The following JAKMIP3 variants were observed in gnomAD, a reference collection of about 807,000 sequenced individuals.
JAKMIP3 encodes the protein Janus kinase and microtubule interacting protein 3.
JAKMIP3 carries 58 observed loss-of-function variants against 118.5 expected under a neutral mutation model. The ratio of observed to expected loss-of-function variants is 0.49; its 90% CI spans 0.40 to 0.61. The LOEUF (loss-of-function observed/expected upper bound fraction) is 0.61. Ranked by LOEUF, JAKMIP3 falls within the 20% of genes least tolerant of loss-of-function variation. JAKMIP3 has a pLI of 0.00. For synonymous variants in JAKMIP3, 486 were observed against 451.2 expected, an observed-to-expected ratio of 1.08 and a Z score of -0.98; for missense variants, 950 against 1,109.0, an observed-to-expected ratio of 0.86 and a Z score of 2.04.
In JAKMIP3 at chr10:132,182,385, C is replaced by T. The variant is rs937863985; in HGVS notation, c.*1132C>T. The stretch of plus-strand genomic sequence containing the variant: ...GGAAGCAGTGCATTGGTGAAGGCAA[C>T]GTTAGGTGTGATTTCCATTCCTGCT... On this transcript the variant is annotated 3_prime_UTR_variant, in exon 24 of 24. Coordinates refer to ENST00000684848, the MANE Select transcript of JAKMIP3 (RefSeq NM_001323087.2). The T allele has an allele frequency of 2.6e-5, 4 of 152,152 alleles. No homozygotes were observed. The highest frequency in any genetic ancestry group is 6.6e-5 in the Admixed American group (1 of 15,266). 9.4% of individuals were successfully genotyped at this position (152,152 alleles called of 1,614,324 possible).
intron 9 of JAKMIP3, among the ~76,000 whole-genome samples, chr10:132,139,498 GTGTGTA>G (rs1292745405): frequency 3.8e-5 from 5 of 131,798 alleles, no homozygotes; most frequent in African/African-American, 8.0e-5. Context: ...GAGTATGTGA[GTGTGTA>G]TGTGTGAGTG....
chr10:132,159,647 C>T (rs111886706), intron 19 of JAKMIP3, among the ~76,000 whole-genome samples: 61 of 41,804 alleles, frequency 1.5e-3, no homozygotes, highest in Middle Eastern at 0.023. Context: ...TGCTGGGGGG[C>T]CTCTCCCTGT....
At chr10:132,069,911 G>A (rs1217368294) in intron 1 of JAKMIP3, among the ~76,000 whole-genome samples, 3 of 152,172 alleles carry the variant, frequency 2.0e-5, no homozygotes, top group African/African-American at 4.8e-5. Context: ...GGGCACAATG[G>A]GAGCACAGAC....
chr10:132,178,373 G>C (rs2060385226), intron 23 of JAKMIP3, among the ~76,000 whole-genome samples: 1 of 152,222 alleles, frequency 6.6e-6, no homozygotes, highest in Non-Finnish European at 1.5e-5. Context: ...GAGGGAGGAG[G>C]AGGCACAGCC....
chr10:132,175,842 G>A (rs1313482097), intron 23 of JAKMIP3, among the ~76,000 whole-genome samples: 1 of 152,196 alleles, frequency 6.6e-6, no homozygotes, highest in African/African-American at 2.4e-5. Flanking sequence ...AAAGAAATGT[G>A]TAATGCTCTG....
chr10:132,142,151 G>GGCCCCTCCTCTCCTGCCCTT, intron 11 of JAKMIP3, 103 bp downstream of exon 11: 1 of 1,301,676 alleles, frequency 7.7e-7, no homozygotes, highest in Non-Finnish European at 1.0e-6. Context: ...CCTGGGCCCG[G>GGCCCCTCCTCTCCTGCCCTT]GCCCCTCCTC....
At chr10:132,151,397 G>T (rs12245887) in intron 16 of JAKMIP3, among the ~76,000 whole-genome samples, 7,155 of 152,230 alleles carry the variant, frequency 0.047, 268 homozygotes, top group African/African-American at 0.099. Flanking sequence ...CCCCTTGCCT[G>T]CCCAGCCCCT....
chr10:132,100,733 A>G (rs371887658), intron 1 of JAKMIP3, among the ~76,000 whole-genome samples: 1 of 152,066 alleles, frequency 6.6e-6, no homozygotes, highest in East Asian at 1.9e-4. Context: ...AGCCGCCCCA[A>G]CATCATTTCA....
In JAKMIP3 at chr10:132,112,306, A is replaced by G; in HGVS notation, c.136-4771A>G. On this transcript the variant is annotated intron_variant, in intron 2 of 23. Transcript: ENST00000684848. The surrounding 1 kb of genome is among the most constrained non-coding windows in gnomAD (Gnocchi z 4.3). ...GGGAGCGGGGTCTCCGGGTGGTGGGAGATGCTGCCCAGAGAACAGTGCGAG... is the reference window on the plus strand; with the variant it reads ...GGGAGCGGGGTCTCCGGGTGGTGGGGGATGCTGCCCAGAGAACAGTGCGAG... Among the ~76,000 whole-genome samples, 1 of 151,750 alleles carries G rather than the reference A, an allele frequency of 6.6e-6. No individual in the cohort carries two copies. Among genetic ancestry groups the G allele is most frequent in the East Asian group, 1.9e-4 (1 of 5,162 alleles).
chr10:132,117,605 G>A lies in JAKMIP3; in HGVS notation c.633+31G>A, dbSNP rs1368274525. The A allele has an allele frequency of 1.5e-5, 13 of 852,972 alleles. No homozygotes were observed. Among genetic ancestry groups the A allele is most frequent in the African/African-American group, 3.2e-5 (1 of 30,774 alleles). 52.8% of individuals were successfully genotyped at this position (852,972 alleles called of 1,614,324 possible). A position where few individuals can be genotyped will look rare whatever the true frequency, so the allele number is the denominator to read the frequency against. ...TGGGCAGGCAGGGGCGGGCGTGGGC[G>A]AGGGTGCAGGGGCGGGCGTGGGCGA... is the stretch of plus-strand genomic sequence containing the variant. On this transcript the variant is annotated intron_variant, in intron 3 of 23. Coordinates refer to ENST00000684848, the MANE Select transcript of JAKMIP3 (RefSeq NM_001323087.2). The surrounding 1 kb of genome is among the most constrained non-coding windows in gnomAD (Gnocchi z 8.6).
intron 9 of JAKMIP3, among the ~76,000 whole-genome samples, chr10:132,139,445 A>T (rs1306669039): frequency 3.1e-5 from 3 of 98,194 alleles, no homozygotes; most frequent in Non-Finnish European, 4.1e-5. Context: ...TGTACATGTG[A>T]GTGTATATGT....
chr10:132,107,341 A>G (rs1174246990), intron 2 of JAKMIP3, among the ~76,000 whole-genome samples: 1 of 152,196 alleles, frequency 6.6e-6, no homozygotes, highest in African/African-American at 2.4e-5. Context: ...CGAGGGACAC[A>G]CGCTCCTTGA....
intron 3 of JAKMIP3, among the ~76,000 whole-genome samples, chr10:132,121,818 G>A (rs1441184705): frequency 6.6e-6 from 1 of 152,178 alleles, no homozygotes; most frequent in Non-Finnish European, 1.5e-5. Flanking sequence ...CTCTGAGGGC[G>A]CTGCTTCTAT....
chr10:132,165,040 A>G (rs1034620048), intron 21 of JAKMIP3, among the ~76,000 whole-genome samples: 3 of 152,202 alleles, frequency 2.0e-5, no homozygotes, highest in Admixed American at 2.0e-4. Flanking sequence ...CAGTTTCCCC[A>G]TCTGGAGCCA....
chr10:132,061,168 AGCACACACACACCTGCCGTGACGGC>A (rs879618610), upstream of JAKMIP3, among the ~76,000 whole-genome samples: 15,785 of 151,310 alleles, frequency 0.1, 934 homozygotes, highest in Middle Eastern at 0.18. Context: ...AGGTATCAAT[AGCACACACACACCTGCCGTGACGGC>A]GCACACACAC....
rs1221872352 is a variant in JAKMIP3, at chr10:132,104,827, A to G, written c.19A>G (p.Ser7Gly). 6.4e-7 allele frequency: 1 copy of G among 1,552,628 alleles called. No individual in the cohort carries two copies. Among genetic ancestry groups the G allele is most frequent in the South Asian group, 1.2e-5 (1 of 84,096 alleles). The change falls in exon 2 of 24, where the codon AGC (serine) becomes GGC (glycine). Residue 7 changes from serine to glycine, a missense_variant. Ser to Gly is a moderately conservative substitution (Grantham distance 56). Coordinates refer to ENST00000684848, the MANE Select transcript of JAKMIP3 (RefSeq NM_001323087.2). Reference protein sequence around the residue: MSKRGMSSRAKGDKAEA... With the variant: MSKRGMGSRAKGDKAEA... ...CCTCACCATGTCCAAGAGGGGCATG[A>G]GCAGCCGGGCCAAGGGGGACAAGGC... is the stretch of plus-strand genomic sequence containing the variant.
intron 1 of JAKMIP3, among the ~76,000 whole-genome samples, chr10:132,090,622 C>A (rs1314979468): frequency 6.6e-6 from 1 of 152,092 alleles, no homozygotes; most frequent in Non-Finnish European, 1.5e-5. Context: ...GTCTTGCTAG[C>A]AGTCTACCAA....
At chr10:132,170,522 GCAAGGCC>G (rs1240623816) in intron 23 of JAKMIP3, among the ~76,000 whole-genome samples, 2 of 152,172 alleles carry the variant, frequency 1.3e-5, no homozygotes, top group African/African-American at 4.8e-5. Flanking sequence ...GGCCTGGGGA[GCAAGGCC>G]CCCCACAGCT....
intron 3 of JAKMIP3, among the ~76,000 whole-genome samples, chr10:132,124,625 A>G (rs181109868): frequency 6.6e-5 from 10 of 152,252 alleles, no homozygotes; most frequent in African/African-American, 2.4e-4. Flanking sequence ...CAGCTGTGCT[A>G]CACATGTCCA....
Sources: gnomAD v4.1 joint callset for allele counts (sites outside exome capture counted in the v4.1 genomes callset) on GRCh38, gnomAD v4.1.1 for gene constraint, Gnocchi (gnomAD v3.1) non-coding constraint, MANE v1.5 for transcripts, NCBI Gene and HGNC (gene_info 2026-07-23, HGNC 2026-07-21) for gene names.